The following KIAA1217 variants were observed in gnomAD, a reference collection of about 807,000 sequenced individuals.
KIAA1217 encodes sickle tail protein homolog.
In KIAA1217, 88 loss-of-function variants were observed where a neutral mutation model predicts 163.9. The observed-to-expected ratio is 0.54, with a 90% confidence interval of 0.45 to 0.64. KIAA1217 has a LOEUF of 0.64. KIAA1217 is among the 30% of genes least tolerant of loss of function. KIAA1217 has a pLI of 0.00. For missense variants in KIAA1217, 2,372 were observed against 2,475.0 expected (o/e 0.96, Z 0.88); for synonymous variants, 903 against 923.1 (o/e 0.98, Z 0.39).
chr10:24,010,231 CA>C (rs1847181135), intron 2 of KIAA1217, among the ~76,000 whole-genome samples: 1 of 151,180 alleles, frequency 6.6e-6, no homozygotes, highest in South Asian at 2.1e-4. Context: ...TCAATGATTA[CA>C]GTCAATAAAG....
In KIAA1217 at chr10:24,422,901, C is replaced by CTTTTTT. The variant is rs58161228; in HGVS notation, c.554-10078_554-10073dup. ...CTCATATTACTTCCTATAGATTTAA[C>CTTTTTT]TTTTTTTTTTTTTTTTTTTTTGAGA... On this transcript the variant is annotated intron_variant, in intron 3 of 20. Transcript: ENST00000376454. 7.5e-4 allele frequency among the ~76,000 whole-genome samples: 91 copies of CTTTTTT among 120,596 alleles called. 1 individual carries two copies. Among genetic ancestry groups the CTTTTTT allele is most frequent in the African/African-American group, 1.4e-3 (46 of 32,114 alleles). The allele number at this position is 120,596 out of a possible 152,430, so 79.1% of individuals were successfully genotyped here.
chr10:24,521,026 T>TA (rs1176247725), intron 11 of KIAA1217, among the ~76,000 whole-genome samples: 1,743 of 88,680 alleles, frequency 0.02, 43 homozygotes, highest in African/African-American at 0.063. Flanking sequence ...ACCCCATCTC[T>TA]AAAAAAAAAA....
intron 1 of KIAA1217, among the ~76,000 whole-genome samples, chr10:23,891,670 G>T (rs1174703275): frequency 2.0e-5 from 3 of 151,938 alleles, no homozygotes; most frequent in Non-Finnish European, 2.9e-5. Flanking sequence ...CCACTGCTTA[G>T]AAATTATTGA....
intron 1 of KIAA1217, among the ~76,000 whole-genome samples, chr10:23,956,744 G>A (rs956825054): frequency 2.6e-5 from 4 of 152,202 alleles, no homozygotes; most frequent in African/African-American, 9.6e-5. Flanking sequence ...AAGGGAGCCA[G>A]TGTATCTCGT....
At chr10:23,753,334 T>A (rs968625877) in intron 1 of KIAA1217, among the ~76,000 whole-genome samples, 2 of 152,194 alleles carry the variant, frequency 1.3e-5, no homozygotes, top group South Asian at 4.1e-4. Flanking sequence ...AGCATGACCA[T>A]TAAGCTTCTA....
At chr10:24,386,655 C>T (rs919323859) in intron 3 of KIAA1217, among the ~76,000 whole-genome samples, 1 of 152,128 alleles carries the variant, frequency 6.6e-6, no homozygotes, top group Admixed American at 6.6e-5. Context: ...CTCACTGCAG[C>T]CTTGAAGTCC....
intron 1 of KIAA1217, among the ~76,000 whole-genome samples, chr10:23,954,925 A>C (rs569458571): frequency 6.6e-6 from 1 of 152,178 alleles, no homozygotes; most frequent in Non-Finnish European, 1.5e-5. Context: ...GAAAGAGCTG[A>C]GTTTGAATCT....
At chr10:23,878,315 C>G (rs903926766) in intron 1 of KIAA1217, among the ~76,000 whole-genome samples, 1 of 151,874 alleles carries the variant, frequency 6.6e-6, no homozygotes, top group Admixed American at 6.6e-5. Context: ...GGCATTCTGA[C>G]AGTAGTTTGG....
At chr10:24,468,050 G>A (rs1231624559) in intron 5 of KIAA1217, among the ~76,000 whole-genome samples, 1 of 152,110 alleles carries the variant, frequency 6.6e-6, no homozygotes, top group African/African-American at 2.4e-5. Context: ...GCAAAGGCTG[G>A]GTTTGTTTTA....
At chr10:24,046,228 A>C (rs1554847463) in intron 2 of KIAA1217, among the ~76,000 whole-genome samples, 2 of 152,086 alleles carry the variant, frequency 1.3e-5, no homozygotes, top group Non-Finnish European at 2.9e-5. Flanking sequence ...ATTTGTGATG[A>C]TGATGATGAT....
At chr10:24,025,382 T>A (rs1214291847) in intron 2 of KIAA1217, among the ~76,000 whole-genome samples, 1 of 151,818 alleles carries the variant, frequency 6.6e-6, no homozygotes, top group Non-Finnish European at 1.5e-5. Flanking sequence ...ATATATCTCA[T>A]CTTATTCCAA....
intron 5 of KIAA1217, among the ~76,000 whole-genome samples, chr10:24,445,936 G>A (rs1420102273): frequency 2.0e-5 from 3 of 152,130 alleles, no homozygotes; most frequent in Admixed American, 6.5e-5. Flanking sequence ...TCTAGTTCTA[G>A]ATCCCTGAGG....
intron 1 of KIAA1217, among the ~76,000 whole-genome samples, chr10:23,899,475 A>G (rs1452027321): frequency 1.3e-5 from 2 of 152,126 alleles, no homozygotes; most frequent in African/African-American, 2.4e-5. Flanking sequence ...TTTCTGGATT[A>G]GAAGAGAAGA....
intron 1 of KIAA1217, among the ~76,000 whole-genome samples, chr10:23,963,329 T>C (rs1455430325): frequency 6.6e-6 from 1 of 152,152 alleles, no homozygotes; most frequent in Non-Finnish European, 1.5e-5. Context: ...TGAGTTATCA[T>C]TGTTCAACTC....
chr10:24,124,520 A>G (rs2063397358), intron 2 of KIAA1217, among the ~76,000 whole-genome samples: 1 of 152,162 alleles, frequency 6.6e-6, no homozygotes, highest in South Asian at 2.1e-4. Context: ...GTCTTGTTCC[A>G]GATTTAATAT....
chr10:24,275,055 A>G (rs2077133101), intron 2 of KIAA1217, among the ~76,000 whole-genome samples: 1 of 152,194 alleles, frequency 6.6e-6, no homozygotes, highest in South Asian at 2.1e-4. Context: ...TTCCCACCTC[A>G]GCCTCCCAAA....
intron 2 of KIAA1217, among the ~76,000 whole-genome samples, chr10:24,148,829 T>A (rs1419331924): frequency 1.3e-5 from 2 of 152,234 alleles, no homozygotes; most frequent in African/African-American, 2.4e-5. Flanking sequence ...ATGAATTGTT[T>A]TGGGGAAAGA....
intron 1 of KIAA1217, among the ~76,000 whole-genome samples, chr10:23,929,979 C>A (rs1046245603): frequency 2.6e-5 from 4 of 152,136 alleles, no homozygotes; most frequent in African/African-American, 9.7e-5. Context: ...TCCACAGGGG[C>A]TGAACTAATT....
At chr10:23,990,735 A>G (rs1308713962) in intron 1 of KIAA1217, among the ~76,000 whole-genome samples, 1 of 152,198 alleles carries the variant, frequency 6.6e-6, no homozygotes, top group Admixed American at 6.5e-5. Context: ...AAATGTAAGG[A>G]ACTGTGCTTT....
Sources: allele counts gnomAD v4.1 joint callset (sites outside exome capture counted in the v4.1 genomes callset), GRCh38; gene constraint gnomAD v4.1.1; transcripts MANE v1.5; gene names NCBI Gene and HGNC (gene_info 2026-07-23, HGNC 2026-07-21).